Variants in FILIP1 observed in about 807,000 individuals in gnomAD.
The protein encoded by FILIP1 is filamin A interacting protein 1.
Under a neutral mutation model 102.1 loss-of-function variants are expected in FILIP1, and 61 were observed. That is an observed-to-expected ratio of 0.60 (90% CI 0.49 to 0.74). The LOEUF (loss-of-function observed/expected upper bound fraction) is 0.74. FILIP1 is among the 30% of genes least tolerant of loss of function. The pLI, the probability that FILIP1 is intolerant of heterozygous loss-of-function variation, is 0.00. For missense variants in FILIP1, 1,314 were observed against 1,441.2 expected (o/e 0.91, Z 1.43); for synonymous variants, 491 against 526.9 (o/e 0.93, Z 0.93).
At chr6:75,450,213 AG>A (rs1778580972) in intron 1 of FILIP1, among the ~76,000 whole-genome samples, 1 of 152,080 alleles carries the variant, frequency 6.6e-6, no homozygotes, top group African/African-American at 2.4e-5. Flanking sequence ...CCTGGCCTGA[AG>A]GGATCCTCTC....
At chr6:75,315,530 AT>A (rs1773415084) in intron 4 of FILIP1, among the ~76,000 whole-genome samples, 1 of 152,216 alleles carries the variant, frequency 6.6e-6, no homozygotes, top group Admixed American at 6.5e-5. Context: ...CTGCATATGT[AT>A]TATACTTTAA....
At chr6:75,371,251 C>A (rs935712534) in intron 2 of FILIP1, among the ~76,000 whole-genome samples, 1 of 152,148 alleles carries the variant, frequency 6.6e-6, no homozygotes, top group African/African-American at 2.4e-5. Context: ...AATTATTCTC[C>A]ACAACTATAT....
chr6:75,356,221 T>A (rs1386057724), intron 3 of FILIP1, among the ~76,000 whole-genome samples: 1 of 152,178 alleles, frequency 6.6e-6, no homozygotes, highest in Non-Finnish European at 1.5e-5. Context: ...TGCCCTTCAG[T>A]TATAAGGAGG....
chr6:75,342,018 T>C (rs1336053687), intron 4 of FILIP1, among the ~76,000 whole-genome samples: 1 of 152,188 alleles, frequency 6.6e-6, no homozygotes, highest in African/African-American at 2.4e-5. Context: ...TGCTATGAGA[T>C]AGGTACTTGG....
chr6:75,341,867 G>A lies in FILIP1; in HGVS notation c.629+11672C>T, dbSNP rs77308231. Among the ~76,000 whole-genome samples the A allele has an allele frequency of 1.5e-3, 225 of 152,246 alleles. 3 individuals are homozygous for A. The East Asian group carries it at 0.028, about 19-fold the overall frequency. On this transcript the variant is annotated intron_variant, in intron 4 of 5. Coordinates refer to ENST00000237172, the MANE Select transcript of FILIP1 (RefSeq NM_015687.5). ...TCAAAATGTCTTAGTTTGATAAACC[G>A]TAAATCATGATTTAGTGAAACTTGT...
At chr6:75,434,676 T>C (rs557725517) in intron 1 of FILIP1, among the ~76,000 whole-genome samples, 3 of 152,364 alleles carry the variant, frequency 2.0e-5, no homozygotes, top group Non-Finnish European at 2.9e-5. Flanking sequence ...GAATACTCTT[T>C]ATTTATTTCT....
At chr6:75,333,644 T>C (rs1156522271) in intron 4 of FILIP1, among the ~76,000 whole-genome samples, 1 of 152,170 alleles carries the variant, frequency 6.6e-6, no homozygotes, top group African/African-American at 2.4e-5. Flanking sequence ...CCATACCATC[T>C]GCCCCCATTT....
intron 3 of FILIP1, among the ~76,000 whole-genome samples, chr6:75,354,557 G>A (rs1414425923): frequency 1.4e-5 from 2 of 146,024 alleles, no homozygotes; most frequent in Non-Finnish European, 3.0e-5. Context: ...GGCAACAGAG[G>A]GAGACTCCAT....
intron 6 of FILIP1, chr6:75,296,668 T>G (rs1015019895): frequency 2.0e-5 from 3 of 151,228 alleles, no homozygotes; most frequent in Admixed American, 2.0e-4. Flanking sequence ...CCCGGCTAAT[T>G]TTTTGTACTT....
At chr6:75,452,356 G>C (rs1479129791) in intron 1 of FILIP1, among the ~76,000 whole-genome samples, 1 of 151,916 alleles carries the variant, frequency 6.6e-6, no homozygotes, top group Non-Finnish European at 1.5e-5. Context: ...AGAACATGCA[G>C]TGTTTGGTTT....
chr6:75,476,223 A>C (rs1022175323), intron 1 of FILIP1, among the ~76,000 whole-genome samples: 10 of 143,516 alleles, frequency 7.0e-5, no homozygotes, highest in African/African-American at 2.7e-4. Context: ...CCTGGGCGAC[A>C]GAGCAAGACT....
chr6:75,341,781 T>C (rs1442193834), intron 4 of FILIP1, among the ~76,000 whole-genome samples: 1 of 152,196 alleles, frequency 6.6e-6, no homozygotes, highest in African/African-American at 2.4e-5. Flanking sequence ...TATAATTAAA[T>C]ACAATAACAG....
At chr6:75,303,452 G>A (rs1363225780), downstream of FILIP1, among the ~76,000 whole-genome samples, 2 of 152,158 alleles carry the variant, frequency 1.3e-5, no homozygotes, top group Non-Finnish European at 2.9e-5. Context: ...GCAAAGAGGT[G>A]AAAGAAGCAG....
chr6:75,332,222 C>T (rs1774108026), intron 4 of FILIP1, among the ~76,000 whole-genome samples: 1 of 152,146 alleles, frequency 6.6e-6, no homozygotes, highest in Non-Finnish European at 1.5e-5. Context: ...TATGTCCTCT[C>T]CCCAAAGAGG....
chr6:75,319,438 C>T (rs1410936688), intron 4 of FILIP1: 3 of 617,242 alleles, frequency 4.9e-6, no homozygotes, highest in Non-Finnish European at 6.3e-6. Flanking sequence ...CTATAGATTT[C>T]ATTTCTCTTT....
intron 4 of FILIP1, among the ~76,000 whole-genome samples, chr6:75,328,294 T>C (rs1773942451): frequency 6.6e-6 from 1 of 152,184 alleles, no homozygotes; most frequent in Admixed American, 6.5e-5. Flanking sequence ...TTTTTAGAAG[T>C]ACATATTGAA....
In FILIP1 at chr6:75,362,821, G is replaced by C; in HGVS notation, c.373C>G (p.Arg125Gly). 6.2e-7 allele frequency: 1 copy of C among 1,613,774 alleles called. No individual in the cohort carries two copies. Among genetic ancestry groups the C allele is most frequent in the Non-Finnish European group, 8.5e-7 (1 of 1,179,974 alleles). Reference sequence around the variant, plus strand: ...AGAATGGCATCTCGGTGCAGGACCCGCAGCACTTTCTCTGGCTCCGCAGAC... The same window carrying C: ...AGAATGGCATCTCGGTGCAGGACCCCCAGCACTTTCTCTGGCTCCGCAGAC... ...YGSAEPEKVL[R>G]VLHRDAILAQ... The change falls in exon 3 of 6, where the codon CGG (arginine) becomes GGG (glycine). Residue 125 changes from arginine (R) to glycine (G), a missense_variant. By Grantham distance (125) the Arg-to-Gly change is moderately radical. Around this residue, in one of 3 missense-constraint regions of FILIP1, gnomAD observed 494 missense variants for 511.2 expected, o/e 0.97. Transcript: ENST00000237172.
intron 1 of FILIP1, among the ~76,000 whole-genome samples, chr6:75,490,345 C>T: frequency 6.6e-6 from 1 of 151,986 alleles, no homozygotes; most frequent in East Asian, 1.9e-4. Context: ...GAACAAATTG[C>T]TTTGAAAGTA....
Position 75,414,955 on chromosome 6 carries a change from T to C in FILIP1, c.18A>G (p.Gln6=), listed in dbSNP as rs1339740676. 1.9e-6 allele frequency: 3 copies of C among 1,613,404 alleles called. No homozygotes were observed. The highest frequency in any genetic ancestry group is 2.5e-6 in the Non-Finnish European group (3 of 1,179,616). Residue 6 remains glutamine (Q), a synonymous_variant, in exon 2 of 6, where the codon CAA becomes CAG. Coordinates refer to ENST00000237172, the MANE Select transcript of FILIP1 (RefSeq NM_015687.5). MRSRN[Q]GGESASDGHI... is the part of the protein sequence containing the mutation. ...GCCCATCAGATGCACTTTCACCACC[T>C]TGGTTTCGAGATCTCATTCCCACCT...
Sources: allele counts gnomAD v4.1 joint callset (sites outside exome capture counted in the v4.1 genomes callset), GRCh38; gene constraint gnomAD v4.1.1; regional missense constraint gnomAD v4.1.1; transcripts MANE v1.5; gene names NCBI Gene and HGNC (gene_info 2026-07-23, HGNC 2026-07-21).